Variants in PHF20 observed in about 807,000 individuals in gnomAD.
The protein encoded by PHF20 is glioma-expressed antigen 2.
PHF20 carries 23 observed loss-of-function variants against 113.5 expected under a neutral mutation model. The ratio of observed to expected loss-of-function variants is 0.20; its 90% CI spans 0.15 to 0.29. The LOEUF is 0.29. Among genes scored for constraint, PHF20 ranks in the 10% least tolerant of loss-of-function variants. The pLI is 1.00. For missense variants in PHF20, 943 were observed against 1,219.6 expected, an observed-to-expected ratio of 0.77 and a Z score of 3.38; for synonymous variants, 434 against 457.3, an observed-to-expected ratio of 0.95 and a Z score of 0.65.
At chr20:35,878,637 T>G (rs1040219879) in intron 9 of PHF20, 1 of 783,630 alleles carries the variant, frequency 1.3e-6, no homozygotes. Context: ...TCCCTTCATC[T>G]GATCCACATG....
At chr20:35,885,766 A>G (rs984189657) in intron 9 of PHF20, among the ~76,000 whole-genome samples, 4 of 151,972 alleles carry the variant, frequency 2.6e-5, no homozygotes, top group Non-Finnish European at 5.9e-5. Flanking sequence ...AGCTTTTTCT[A>G]CTATAAAGCT....
intron 1 of PHF20, among the ~76,000 whole-genome samples, chr20:35,780,347 T>TAGGA (rs2041265431): frequency 6.8e-6 from 1 of 146,998 alleles, no homozygotes; most frequent in Non-Finnish European, 1.5e-5. Context: ...TGCCTCAGCC[T>TAGGA]CCTGAGTAGC....
chr20:35,872,070 CTAT>C (rs2054432783), intron 9 of PHF20, among the ~76,000 whole-genome samples: 1 of 151,774 alleles, frequency 6.6e-6, no homozygotes, highest in African/African-American at 2.4e-5. Context: ...TCAATTTTCT[CTAT>C]TGTTTATTTT....
At chr20:35,937,131 G>A (rs1000495885) in intron 15 of PHF20, among the ~76,000 whole-genome samples, 12 of 152,234 alleles carry the variant, frequency 7.9e-5, no homozygotes, top group African/African-American at 2.9e-4. Flanking sequence ...TTGGCAATTG[G>A]TTGAAAGAGT....
chr20:35,917,198 G>A, intron 12 of PHF20: 1 of 480,216 alleles, frequency 2.1e-6, no homozygotes, highest in Non-Finnish European at 4.1e-6. Context: ...GGGAGTTGTA[G>A]CTCCTCTGCC....
intron 5 of PHF20, among the ~76,000 whole-genome samples, chr20:35,858,851 G>A (rs374447950): frequency 6.6e-6 from 1 of 152,214 alleles, no homozygotes. Flanking sequence ...GGGATTACAG[G>A]TGTGAGCCAC....
chr20:35,867,345 C>T (rs545272236), intron 6 of PHF20, among the ~76,000 whole-genome samples: 20 of 152,148 alleles, frequency 1.3e-4, no homozygotes, highest in Admixed American at 5.2e-4. Context: ...TTGTAACCAC[C>T]GCCTCCTGGG....
chr20:35,810,155 C>T (rs1415500402), intron 2 of PHF20, among the ~76,000 whole-genome samples: 1 of 152,046 alleles, frequency 6.6e-6, no homozygotes, highest in African/African-American at 2.4e-5. Context: ...GTCTCAAACT[C>T]GTGACCTCAG....
intron 2 of PHF20, among the ~76,000 whole-genome samples, chr20:35,825,206 G>A (rs995961353): frequency 6.6e-6 from 1 of 152,164 alleles, no homozygotes; most frequent in Non-Finnish European, 1.5e-5. Flanking sequence ...TTATTTTGAA[G>A]AGATGGGAGT....
rs530762875 is a variant in PHF20, at chr20:35,910,551, T to G, written c.1562-2698T>G. Among the ~76,000 whole-genome samples the G allele has an allele frequency of 2.6e-5, 4 of 152,188 alleles. No homozygotes were observed. In the East Asian group the frequency reaches 7.7e-4, roughly 29 times the overall value. On this transcript the variant is annotated intron_variant, in intron 10 of 17. Coordinates refer to ENST00000374012, the MANE Select transcript of PHF20 (RefSeq NM_016436.5). Reference sequence around the variant, plus strand: ...AACTTTCCTCATGCCCCTTTTTAGTTCCTCCTTCCCACCTCTCCCCTCCCC... The same window carrying G: ...AACTTTCCTCATGCCCCTTTTTAGTGCCTCCTTCCCACCTCTCCCCTCCCC...
chr20:35,938,490 C>G (rs889943609), intron 15 of PHF20: 1 of 564,868 alleles, frequency 1.8e-6, no homozygotes, highest in Non-Finnish European at 3.1e-6. Flanking sequence ...GTCCCACTCA[C>G]TGTGTGTGAC....
chr20:35,814,888 AAATAAAAT>A (rs1568601731), intron 2 of PHF20, among the ~76,000 whole-genome samples: 3 of 136,006 alleles, frequency 2.2e-5, no homozygotes, highest in Admixed American at 7.0e-5. Context: ...AAAAAAAAAA[AAATAAAAT>A]AAATAAATAA....
intron 2 of PHF20, among the ~76,000 whole-genome samples, chr20:35,821,059 G>T (rs954085818): frequency 1.3e-5 from 2 of 152,038 alleles, no homozygotes; most frequent in African/African-American, 2.4e-5. Flanking sequence ...GGGCCAGATC[G>T]GCCATAATAA....
intron 13 of PHF20, among the ~76,000 whole-genome samples, chr20:35,922,924 T>G (rs531322777): frequency 6.6e-6 from 1 of 152,240 alleles, no homozygotes; most frequent in African/African-American, 2.4e-5. Flanking sequence ...AAGACCAGCC[T>G]GGGCAACGTG....
Position 35,814,882 on chromosome 20 carries a change from A to T in PHF20, c.83+13277A>T, listed in dbSNP as rs537788449. Among the ~76,000 whole-genome samples, 7 of 145,912 alleles carry T rather than the reference A, an allele frequency of 4.8e-5. No individual in the cohort carries two copies. In the South Asian group the frequency reaches 1.5e-3, roughly 31 times the overall value. ...AGCGAGACTCCGTCTCAAAAAAAAA[A>T]AAAAAAAATAAAATAAATAAATAAA... On this transcript the variant is annotated intron_variant, in intron 2 of 17. Transcript: ENST00000374012.
chr20:35,775,065 C>T (rs1031368646), intron 1 of PHF20: 1 of 152,192 alleles, frequency 6.6e-6, no homozygotes, highest in African/African-American at 2.4e-5. Context: ...TGAACAGATA[C>T]TTTGTCTCTT....
In PHF20 at chr20:35,871,113, A is replaced by T. The variant is rs780730285; in HGVS notation, c.1081A>T (p.Ser361Cys). ...DTDPLQDTLSSTKESEEGQLK... is the reference protein window; with the variant it reads ...DTDPLQDTLSCTKESEEGQLK... Reference sequence around the variant, plus strand: ...GGATCCTTTGCAAGACACGTTGTCTAGTACCAAGGAATCTGAAGAAGGTGA... The same window carrying T: ...GGATCCTTTGCAAGACACGTTGTCTTGTACCAAGGAATCTGAAGAAGGTGA... The change falls in exon 8 of 18, where the codon AGT becomes TGT. Residue 361 changes from serine (S) to cysteine (C), a missense_variant. Coordinates refer to ENST00000374012, the MANE Select transcript of PHF20 (RefSeq NM_016436.5). 1 of 1,610,096 alleles carries T rather than the reference A, an allele frequency of 6.2e-7. No individual in the cohort carries two copies. The highest frequency in any genetic ancestry group is 8.5e-7 in the Non-Finnish European group (1 of 1,179,242).
At chr20:35,856,244 A>G (rs1039844314) in intron 4 of PHF20, 9 of 152,192 alleles carry the variant, frequency 5.9e-5, no homozygotes, top group Admixed American at 1.3e-4. Flanking sequence ...TTCGTCATGT[A>G]TTGGTGACAC....
chr20:35,842,723 G>A lies in PHF20; in HGVS notation c.234G>A (p.Leu78=). The change falls in exon 3 of 18, where the codon TTG becomes TTA. Residue 78 remains leucine, a synonymous_variant. Coordinates refer to ENST00000374012, the MANE Select transcript of PHF20 (RefSeq NM_016436.5). ...AAATACAGCTGAGGAAAGAGGGCTT[G>A]CATGAAGAGGATGGATCTTCTGTGA... is the stretch of plus-strand genomic sequence containing the variant. The part of the protein sequence containing the change: ...LEKIQLRKEG[L]HEEDGSSEFQ... 1 of 1,614,072 alleles carries A rather than the reference G, an allele frequency of 6.2e-7. No individual in the cohort carries two copies. Among genetic ancestry groups the A allele is most frequent in the Non-Finnish European group, 8.5e-7 (1 of 1,179,990 alleles).
Sources: allele counts gnomAD v4.1 joint callset (sites outside exome capture counted in the v4.1 genomes callset), GRCh38; gene constraint gnomAD v4.1.1; transcripts MANE v1.5; gene names NCBI Gene and HGNC (gene_info 2026-07-23, HGNC 2026-07-21).